MIGA1: variants seen among roughly 807,000 people sequenced by gnomAD.
The protein encoded by MIGA1 is mitoguardin 1.
In MIGA1, 58 loss-of-function variants were observed where a neutral mutation model predicts 82.0. The ratio of observed to expected loss-of-function variants is 0.71; its 90% CI spans 0.57 to 0.88. The LOEUF (loss-of-function observed/expected upper bound fraction) is 0.88. Ranked by LOEUF, MIGA1 falls within the 40% of genes least tolerant of loss-of-function variation. MIGA1 has a pLI of 0.00. For missense variants in MIGA1, 751 were observed against 749.1 expected (o/e 1.00, Z -0.03); for synonymous variants, 249 against 253.6 (o/e 0.98, Z 0.17).
intron 10 of MIGA1, chr1:77,859,796 A>C (rs1332168113): frequency 7.3e-6 from 3 of 408,806 alleles, no homozygotes; most frequent in Middle Eastern, 6.5e-4. Context: ...AATTTATTTG[A>C]GACTGTAATA....
At position 77,872,640 on chromosome 1, in the gene MIGA1, A is replaced by G. The variant is rs550260204; in HGVS notation, c.1564-364A>G. On this transcript the variant is annotated intron_variant, in intron 14 of 15. Transcript: ENST00000370791. ...CAAATACAGAAATGTGTCTCAGCACATATGAAACTGTTGGCTAGGATATGA... is the reference window on the plus strand; with the variant it reads ...CAAATACAGAAATGTGTCTCAGCACGTATGAAACTGTTGGCTAGGATATGA... Among the ~76,000 whole-genome samples, 14 of 152,326 alleles carry G rather than the reference A, an allele frequency of 9.2e-5. No individual in the cohort carries two copies. In the South Asian group the frequency reaches 2.7e-3, roughly 29 times the overall value.
Position 77,878,386 on chromosome 1 carries a change from C to T in MIGA1, c.*3322C>T, listed in dbSNP as rs1429436387. On this transcript the variant is annotated 3_prime_UTR_variant, in exon 16 of 16. Transcript: ENST00000370791. ...TCCAGCCTGGGCAACAAGAGTAAAACTCTGTCTCAAAAAAAAAAAAAAAAA... is the reference window on the plus strand; with the variant it reads ...TCCAGCCTGGGCAACAAGAGTAAAATTCTGTCTCAAAAAAAAAAAAAAAAA... 1 of 48,642 alleles carries T rather than the reference C, an allele frequency of 2.1e-5. No individual in the cohort carries two copies. The highest frequency in any genetic ancestry group is 6.3e-5 in the African/African-American group (1 of 15,904). 3.0% of individuals were successfully genotyped at this position (48,642 alleles called of 1,614,324 possible).
chr1:77,874,754 A>T, intron 15 of MIGA1, 92 bp from the exon 16 acceptor site: 2 of 839,066 alleles, frequency 2.4e-6, no homozygotes, highest in Admixed American at 4.7e-5. Context: ...AGGTCTTCTG[A>T]GTCCTGATTC....
intron 14 of MIGA1, among the ~76,000 whole-genome samples, chr1:77,870,966 G>A (rs78955842): frequency 3.3e-5 from 5 of 150,842 alleles, no homozygotes; most frequent in East Asian, 2.0e-4. Context: ...CGCGCCTGCA[G>A]TCGCAGGCAC....
intron 8 of MIGA1, among the ~76,000 whole-genome samples, chr1:77,846,229 C>T (rs1684834885): frequency 6.6e-6 from 1 of 152,016 alleles, no homozygotes; most frequent in African/African-American, 2.4e-5. Context: ...GGAATCATAC[C>T]ATGCGATATG....
chr1:77,870,023 T>C (rs1685877023), intron 14 of MIGA1, among the ~76,000 whole-genome samples: 1 of 118,422 alleles, frequency 8.4e-6, no homozygotes, highest in Non-Finnish European at 1.8e-5. Flanking sequence ...GCTCCTCACT[T>C]CCCAGTAGGG....
intron 8 of MIGA1, chr1:77,847,474 A>C (rs754423867): frequency 1.4e-5 from 20 of 1,427,966 alleles, no homozygotes; most frequent in Non-Finnish European, 1.9e-5. Context: ...AAAAGAATGG[A>C]AAAGAAAATA....
In MIGA1 at chr1:77,858,925, A is replaced by C. The variant is rs757779594; in HGVS notation, c.997-13A>C. On this transcript the variant is annotated splice_polypyrimidine_tract_variant and intron_variant, in intron 8 of 15. Coordinates refer to ENST00000370791, the MANE Select transcript of MIGA1 (RefSeq NM_198549.4). ...CCTAGCCTGTATTCTGTTCTAACCC[A>C]CCGTGCTCTTAGCTTGCAGAACACA... is the stretch of plus-strand genomic sequence containing the variant. 2.7e-6 allele frequency: 4 copies of C among 1,492,550 alleles called. No homozygotes were observed. The highest frequency in any genetic ancestry group is 2.3e-5 in the East Asian group (1 of 44,316). The allele number at this position is 1,492,550 out of a possible 1,614,324, so 92.5% of individuals were successfully genotyped here. A position where few individuals can be genotyped will look rare whatever the true frequency, so the allele number is the denominator to read the frequency against.
intron 5 of MIGA1, among the ~76,000 whole-genome samples, chr1:77,810,469 G>T (rs1223434711): frequency 6.6e-6 from 1 of 152,134 alleles, no homozygotes; most frequent in East Asian, 1.9e-4. Context: ...GAGCATATTG[G>T]AGCAAAAGTG....
intron 2 of MIGA1, among the ~76,000 whole-genome samples, chr1:77,800,988 C>T (rs1682859619): frequency 6.6e-6 from 1 of 151,868 alleles, no homozygotes; most frequent in Non-Finnish European, 1.5e-5. Flanking sequence ...TTTAATCATC[C>T]CTGTAAAAAA....
In MIGA1 at chr1:77,875,421, G is replaced by A. The variant is rs1646886688; in HGVS notation, c.*357G>A. On this transcript the variant is annotated 3_prime_UTR_variant, in exon 16 of 16. Coordinates refer to ENST00000370791, the MANE Select transcript of MIGA1 (RefSeq NM_198549.4). ...TTTTTATGCTTTGCACCTTTAAAAT[G>A]TACACTTTAGCCAAGGTCTTTGTGG... is the stretch of plus-strand genomic sequence containing the variant. The A allele has an allele frequency of 5.4e-6, 1 of 183,498 alleles. No homozygotes were observed. Among genetic ancestry groups the A allele is most frequent in the African/African-American group, 2.4e-5 (1 of 42,026 alleles). 11.4% of individuals were successfully genotyped at this position (183,498 alleles called of 1,614,324 possible). A position where few individuals can be genotyped will look rare whatever the true frequency, so the allele number is the denominator to read the frequency against.
intron 7 of MIGA1, among the ~76,000 whole-genome samples, chr1:77,841,033 TA>T (rs1684608899): frequency 6.6e-6 from 1 of 152,138 alleles, no homozygotes; most frequent in African/African-American, 2.4e-5. Context: ...AAAAGAGAAT[TA>T]TGGGAGTTTT....
chr1:77,809,628 A>G (rs1683239608), intron 5 of MIGA1, among the ~76,000 whole-genome samples: 1 of 152,202 alleles, frequency 6.6e-6, no homozygotes. Flanking sequence ...TCCTGTGTTC[A>G]TATGTTCAGC....
At chr1:77,832,152 T>A (rs1216697764) in intron 7 of MIGA1, among the ~76,000 whole-genome samples, 1 of 152,234 alleles carries the variant, frequency 6.6e-6, no homozygotes, top group Non-Finnish European at 1.5e-5. Flanking sequence ...GAGATTCTTT[T>A]ATATTGATGT....
intron 8 of MIGA1, chr1:77,847,904 T>C: frequency 6.6e-7 from 1 of 1,506,758 alleles, no homozygotes; most frequent in Non-Finnish European, 9.2e-7. Flanking sequence ...GCAGCAAGGA[T>C]GATGAAATAA....
chr1:77,787,818 C>CTT (rs1348207073), intron 2 of MIGA1, among the ~76,000 whole-genome samples: 4 of 138,176 alleles, frequency 2.9e-5, no homozygotes, highest in East Asian at 2.1e-4. Flanking sequence ...CTTTTCTTTT[C>CTT]TTTTTTTTTT....
rs1646860664 is a variant in MIGA1, at chr1:77,872,991, T to C, written c.1564-13T>C. On this transcript the variant is annotated splice_polypyrimidine_tract_variant and intron_variant, in intron 14 of 15. Transcript: ENST00000370791. Reference sequence around the variant, plus strand: ...AGGTAGAAGTAACTTGATTCTCCTTTACTTCCCAGCAGATCCCAGATGGAT... The same window carrying C: ...AGGTAGAAGTAACTTGATTCTCCTTCACTTCCCAGCAGATCCCAGATGGAT... 1 of 1,613,540 alleles carries C rather than the reference T, an allele frequency of 6.2e-7. No homozygotes were observed. Among genetic ancestry groups the C allele is most frequent in the South Asian group, 1.1e-5 (1 of 91,016 alleles).
intron 2 of MIGA1, among the ~76,000 whole-genome samples, chr1:77,791,559 G>GTT (rs71075763): frequency 2.5e-4 from 31 of 124,668 alleles, no homozygotes; most frequent in Admixed American, 6.1e-4. Context: ...AGATATTTAA[G>GTT]TTTTTTTTTT....
At chr1:77,804,353 G>A (rs1185992024) in intron 4 of MIGA1, among the ~76,000 whole-genome samples, 6 of 152,162 alleles carry the variant, frequency 3.9e-5, no homozygotes, top group African/African-American at 1.2e-4. Context: ...TAAATCTAAT[G>A]TGATTTAAAC....
Sources: gnomAD v4.1 joint callset for allele counts (sites outside exome capture counted in the v4.1 genomes callset) on GRCh38, gnomAD v4.1.1 for gene constraint, MANE v1.5 for transcripts, NCBI Gene and HGNC (gene_info 2026-07-23, HGNC 2026-07-21) for gene names.